Variants in CAMTA1 observed in about 807,000 individuals in gnomAD.
CAMTA1 encodes calmodulin-binding transcription activator 1.
In CAMTA1, 27 loss-of-function variants were observed where a neutral mutation model predicts 170.9. That is an observed-to-expected ratio of 0.16 (90% CI 0.12 to 0.22). The LOEUF (loss-of-function observed/expected upper bound fraction) is 0.22. Among genes scored for constraint, CAMTA1 ranks in the 10% least tolerant of loss-of-function variants. The probability of loss-of-function intolerance (pLI) is 1.00; values close to 1 mark genes in which losing one functional copy is unlikely to be tolerated. For synonymous variants in CAMTA1, 833 were observed against 891.5 expected (o/e 0.93, Z 1.17); for missense variants, 1,619 against 2,217.2 (o/e 0.73, Z 5.42).
chr1:7,151,137 G>C (rs924800011), intron 4 of CAMTA1, among the ~76,000 whole-genome samples: 7 of 152,244 alleles, frequency 4.6e-5, no homozygotes, highest in Non-Finnish European at 8.8e-5. Flanking sequence ...GGTGCTTGCT[G>C]TCAAATGCTA....
At chr1:6,952,633 G>A (rs1450777927) in intron 3 of CAMTA1, among the ~76,000 whole-genome samples, 1 of 151,948 alleles carries the variant, frequency 6.6e-6, no homozygotes, top group Non-Finnish European at 1.5e-5. Context: ...AGGAGTTGGA[G>A]ACCAGCCTGG....
In CAMTA1 at chr1:7,751,395, G is replaced by C; in HGVS notation, c.4883+3G>C. Reference sequence around the variant, plus strand: ...GTGATTGTACAACAGAAACTCAGGTGGGTGGAGAAGAGCTCATGGAGGTAA... The same window carrying C: ...GTGATTGTACAACAGAAACTCAGGTCGGTGGAGAAGAGCTCATGGAGGTAA... On this transcript the variant is annotated splice_donor_region_variant and intron_variant, in intron 20 of 22. Coordinates refer to ENST00000303635, the MANE Select transcript of CAMTA1 (RefSeq NM_015215.4). The C allele has an allele frequency of 6.3e-7, 1 of 1,578,210 alleles. No homozygotes were observed. Among genetic ancestry groups the C allele is most frequent in the Middle Eastern group, 1.8e-4 (1 of 5,706 alleles).
chr1:7,245,582 A>C (rs897906821), intron 4 of CAMTA1, among the ~76,000 whole-genome samples: 2 of 152,056 alleles, frequency 1.3e-5, no homozygotes, highest in Non-Finnish European at 2.9e-5. Context: ...GCCATGTTGC[A>C]CTGAGCGCTA....
intron 3 of CAMTA1, chr1:6,834,326 T>C (rs539983961): frequency 3.0e-5 from 6 of 199,398 alleles, no homozygotes; most frequent in African/African-American, 1.4e-4. Context: ...TTGTTGAAAT[T>C]CTTAAGCTGA....
chr1:7,497,748 T>C (rs1425874596), intron 6 of CAMTA1, among the ~76,000 whole-genome samples: 1 of 152,192 alleles, frequency 6.6e-6, no homozygotes, highest in Non-Finnish European at 1.5e-5. Context: ...AGCTCAGCCA[T>C]GACGGCAGGA....
chr1:7,594,238 G>A (rs998874546), intron 6 of CAMTA1, among the ~76,000 whole-genome samples: 6 of 147,856 alleles, frequency 4.1e-5, no homozygotes, highest in African/African-American at 1.3e-4. Context: ...AGGAAGGAAG[G>A]AAGAAAGAAA....
At chr1:7,717,165 T>C (rs1216515935) in intron 11 of CAMTA1, among the ~76,000 whole-genome samples, 2 of 152,072 alleles carry the variant, frequency 1.3e-5, no homozygotes, top group Non-Finnish European at 2.9e-5. Flanking sequence ...GTATTTACAG[T>C]TAGACAGGAG....
intron 6 of CAMTA1, among the ~76,000 whole-genome samples, chr1:7,560,787 G>A (rs1251613925): frequency 2.0e-5 from 3 of 152,114 alleles, no homozygotes; most frequent in Non-Finnish European, 2.9e-5. Context: ...AGCATCATGA[G>A]AACATGGGAC....
chr1:7,576,235 C>T (rs1194374726), intron 6 of CAMTA1, among the ~76,000 whole-genome samples: 1 of 152,168 alleles, frequency 6.6e-6, no homozygotes, highest in Non-Finnish European at 1.5e-5. Context: ...GTCTCCAACT[C>T]CTGACCTCAG....
intron 5 of CAMTA1, among the ~76,000 whole-genome samples, chr1:7,270,413 C>T (rs1574336621): frequency 6.6e-6 from 1 of 151,048 alleles, no homozygotes; most frequent in South Asian, 2.1e-4. Flanking sequence ...TCCTGCCTCA[C>T]CCTCCCGAGT....
intron 1 of CAMTA1, among the ~76,000 whole-genome samples, chr1:6,799,212 C>T (rs1393171802): frequency 2.0e-5 from 3 of 152,138 alleles, no homozygotes; most frequent in African/African-American, 7.2e-5. Flanking sequence ...GGACTACGGG[C>T]GTGTGCCACC....
intron 3 of CAMTA1, among the ~76,000 whole-genome samples, chr1:6,844,024 C>T (rs914638736): frequency 5.9e-5 from 9 of 152,192 alleles, no homozygotes; most frequent in African/African-American, 2.2e-4. Flanking sequence ...AGCAGTTCTA[C>T]TCCTTATGTA....
At chr1:7,008,709 G>C (rs1372905448) in intron 3 of CAMTA1, 1 of 152,182 alleles carries the variant, frequency 6.6e-6, no homozygotes, top group African/African-American at 2.4e-5. Context: ...AAAGGGAATG[G>C]ATTGCTAATA....
intron 5 of CAMTA1, among the ~76,000 whole-genome samples, chr1:7,466,876 G>C (rs1283199062): frequency 6.6e-6 from 1 of 152,268 alleles, no homozygotes; most frequent in East Asian, 1.9e-4. Context: ...TTGATGACCT[G>C]CTCAAGGCTG....
chr1:7,498,687 GTA>G (rs1271326563), intron 6 of CAMTA1, among the ~76,000 whole-genome samples: 2 of 125,306 alleles, frequency 1.6e-5, no homozygotes, highest in Non-Finnish European at 1.8e-5. Context: ...GCATGCATAT[GTA>G]TGTGTGTATA....
At chr1:7,226,566 C>G (rs1661728392) in intron 4 of CAMTA1, among the ~76,000 whole-genome samples, 1 of 152,196 alleles carries the variant, frequency 6.6e-6, no homozygotes, top group Admixed American at 6.5e-5. Flanking sequence ...AGTCCCATTT[C>G]CCAGAGATAG....
chr1:7,694,361 T>C (rs1375417956), intron 11 of CAMTA1: 20 of 152,216 alleles, frequency 1.3e-4, no homozygotes, highest in Admixed American at 1.3e-3. Context: ...GCAGAAAATA[T>C]TGTGCAGAGC....
chr1:7,668,361 C>G (rs1054055309), intron 9 of CAMTA1, among the ~76,000 whole-genome samples: 5 of 151,140 alleles, frequency 3.3e-5, no homozygotes, highest in Non-Finnish European at 7.4e-5. Flanking sequence ...CTGTCCACCC[C>G]TTCACCTCCA....
At position 7,664,239 on chromosome 1, in the gene CAMTA1, C is replaced by T. The variant is rs745661955; in HGVS notation, c.1692C>T (p.Ala564=). The T allele has an allele frequency of 9.3e-6, 15 of 1,612,552 alleles. No homozygotes were observed. Among genetic ancestry groups the T allele is most frequent in the Middle Eastern group, 1.6e-4 (1 of 6,084 alleles). The change falls in exon 9 of 23, where the codon GCC becomes GCT. Residue 564 remains alanine, a synonymous_variant. Coordinates refer to ENST00000303635, the MANE Select transcript of CAMTA1 (RefSeq NM_015215.4). ...AVAASSLTLT[A]GSSLLPSGGG... ...CAGCCAGCTCCCTCACCCTGACCGC[C>T]GGCTCCAGCCTCCTGCCGTCGGGCG...
Sources: allele counts gnomAD v4.1 joint callset (sites outside exome capture counted in the v4.1 genomes callset), GRCh38; gene constraint gnomAD v4.1.1; transcripts MANE v1.5; gene names NCBI Gene and HGNC (gene_info 2026-07-23, HGNC 2026-07-21).